The following NFS1 variants were observed in gnomAD, a reference collection of about 807,000 sequenced individuals.
NFS1 encodes NFS1 cysteine desulfurase, also known as cysteine desulfurase.
Under a neutral mutation model 57.3 loss-of-function variants are expected in NFS1, and 26 were observed. The observed-to-expected ratio is 0.45, with a 90% confidence interval of 0.33 to 0.63. NFS1 has a LOEUF of 0.63. NFS1 is among the 20% of genes least tolerant of loss of function. The pLI is 0.02. For missense variants in NFS1, 505 were observed against 605.8 expected (o/e 0.83, Z 1.75); for synonymous variants, 209 against 216.3 (o/e 0.97, Z 0.30).
chr20:35,697,884 C>CTT lies in NFS1; in HGVS notation c.208-86_208-85dup. ...CACCCCTCAGACCTGGCCACCCTGCCTTAAGACACTCTCAACCCCTCAGGC... is the reference window on the plus strand; with the variant it reads ...CACCCCTCAGACCTGGCCACCCTGCCTTTTAAGACACTCTCAACCCCTCAGGC... On this transcript the variant is annotated intron_variant, in intron 2 of 12. Coordinates refer to ENST00000374092, the MANE Select transcript of NFS1 (RefSeq NM_021100.5). 8 of 838,872 alleles carry CTT rather than the reference C, an allele frequency of 9.5e-6. No individual in the cohort carries two copies. In the South Asian group the frequency reaches 1.1e-4, roughly 12 times the overall value. The allele number at this position is 838,872 out of a possible 1,614,324, so 52.0% of individuals were successfully genotyped here. A position where few individuals can be genotyped will look rare whatever the true frequency, so the allele number is the denominator to read the frequency against.
chr20:35,673,817 G>A, intron 10 of NFS1, 133 bp from the exon 11 acceptor site: 1 of 641,420 alleles, frequency 1.6e-6, no homozygotes, highest in Non-Finnish European at 2.7e-6. Flanking sequence ...TTCTAATCTG[G>A]CAGAACTAAA....
Position 35,674,464 on chromosome 20 carries a change from A to C in NFS1, c.1055-33T>G, listed in dbSNP as rs748388082. ...AAAGAAATACTGTGAGAGAGGTCTC[A>C]GAGTCTCAGCCTCTACCAGAATGAG... On this transcript the variant is annotated intron_variant, in intron 9 of 12. Transcript: ENST00000374092. The C allele has an allele frequency of 3.4e-5, 55 of 1,610,896 alleles. No individual in the cohort carries two copies. The Admixed American group carries it at 8.8e-4, about 26-fold the overall frequency.
intron 7 of NFS1, 104 bp from the exon 8 acceptor site, chr20:35,675,306 G>T: frequency 8.0e-7 from 1 of 1,245,744 alleles, no homozygotes; most frequent in Non-Finnish European, 1.1e-6. Context: ...TTTTCTGTAA[G>T]CATGAAATTT....
At chr20:35,698,638 T>C (rs915956945) in intron 1 of NFS1, 48 bp from the exon 2 acceptor site, 8 of 1,539,422 alleles carry the variant, frequency 5.2e-6, no homozygotes, top group Middle Eastern at 1.7e-4. Context: ...AAGGCAACTA[T>C]GAACGCATGG....
chr20:35,674,300 ACT>A (rs1272304716), intron 10 of NFS1, 48 bp downstream of exon 10: 1 of 1,432,760 alleles, frequency 7.0e-7, no homozygotes, highest in Admixed American at 1.7e-5. Context: ...AGCCTGTATG[ACT>A]CTTCTAAGTG....
intron 5 of NFS1, chr20:35,682,551 G>A (rs1350253854): frequency 6.5e-6 from 1 of 152,838 alleles, no homozygotes; most frequent in Non-Finnish European, 1.5e-5. Flanking sequence ...CACTTTGGGA[G>A]GCTGAGGTTG....
Position 35,699,047 on chromosome 20 carries a change from A to C in NFS1, c.97+145T>G. 2.3e-6 allele frequency: 3 copies of C among 1,319,548 alleles called. No homozygotes were observed. The highest frequency in any genetic ancestry group is 2.1e-5 in the South Asian group (1 of 47,208). 81.7% of individuals were successfully genotyped at this position (1,319,548 alleles called of 1,614,324 possible). A position where few individuals can be genotyped will look rare whatever the true frequency, so the allele number is the denominator to read the frequency against. ...GGGTCAACCGTTCGGGGACCCGCCTAAGAAAGTTTGAGGGATGTGTCATTT... is the reference window on the plus strand; with the variant it reads ...GGGTCAACCGTTCGGGGACCCGCCTCAGAAAGTTTGAGGGATGTGTCATTT... On this transcript the variant is annotated intron_variant, in intron 1 of 12. Coordinates refer to ENST00000374092, the MANE Select transcript of NFS1 (RefSeq NM_021100.5). The surrounding 1 kb of genome is among the most constrained non-coding windows in gnomAD (Gnocchi z 4.4).
chr20:35,668,682 C>T lies in NFS1; in HGVS notation c.*940G>A, dbSNP rs1010261901. 1 of 152,212 alleles carries T rather than the reference C, an allele frequency of 6.6e-6. No homozygotes were observed. Among genetic ancestry groups the T allele is most frequent in the Non-Finnish European group, 1.5e-5 (1 of 68,036 alleles). 9.4% of individuals were successfully genotyped at this position (152,212 alleles called of 1,614,324 possible). ...CTCTTACCACTTAATTCTTTCATAG[C>T]ACTTATCACAATCTATAACATTGTT... On this transcript the variant is annotated 3_prime_UTR_variant, in exon 13 of 13. Coordinates refer to ENST00000374092, the MANE Select transcript of NFS1 (RefSeq NM_021100.5).
Position 35,680,838 on chromosome 20 carries a change from T to G in NFS1, c.689A>C (p.His230Pro). The G allele has an allele frequency of 1.9e-6, 3 of 1,574,566 alleles. No homozygotes were observed. Among genetic ancestry groups the G allele is most frequent in the Non-Finnish European group, 2.6e-6 (3 of 1,162,280 alleles). The change falls in exon 7 of 13, where the codon CAT (histidine) becomes CCT (proline). Residue 230 changes from histidine (H) to proline (P), a missense_variant. By Grantham distance (77) the His-to-Pro change is moderately conservative. Transcript: ENST00000374092. The part of the protein sequence containing the change: ...RICSSRKVYF[H>P]TDAAQAVGKI... ...TCCAACAGCCTGGGCTGCATCAGTA[T>G]GGAAATATACCTTTCTGGAACTGCA...
intron 6 of NFS1, among the ~76,000 whole-genome samples, chr20:35,681,374 G>A (rs1601524107): frequency 1.3e-5 from 2 of 152,174 alleles, no homozygotes; most frequent in Admixed American, 1.3e-4. Flanking sequence ...GGTTTTGGCA[G>A]CAACTGCAAT....
chr20:35,697,864 C>G (rs1438498274), intron 2 of NFS1, 64 bp from the exon 3 acceptor site: 7 of 1,124,322 alleles, frequency 6.2e-6, no homozygotes. Context: ...CACTCCACCC[C>G]TCAGACCTGG....
intron 4 of NFS1, among the ~76,000 whole-genome samples, chr20:35,693,108 G>T (rs942268716): frequency 6.6e-6 from 1 of 151,838 alleles, no homozygotes; most frequent in Admixed American, 6.6e-5. Flanking sequence ...TTTTATTTTT[G>T]TTTATTTATT....
At chr20:35,674,744 T>C (rs1330701484) in intron 8 of NFS1, 127 bp from the exon 9 acceptor site, 13 of 760,034 alleles carry the variant, frequency 1.7e-5, no homozygotes, top group East Asian at 1.6e-4. Flanking sequence ...TATGTACTCA[T>C]GGGGACCACT....
intron 4 of NFS1, among the ~76,000 whole-genome samples, chr20:35,694,371 C>T (rs1478129072): frequency 2.6e-5 from 4 of 152,084 alleles, no homozygotes; most frequent in African/African-American, 9.7e-5. Context: ...TCTCGAACTC[C>T]TGATCTCAGA....
intron 11 of NFS1, 54 bp downstream of exon 11, chr20:35,673,547 G>C: frequency 6.8e-7 from 1 of 1,462,696 alleles, no homozygotes; most frequent in South Asian, 1.2e-5. Flanking sequence ...TGTAACAGGA[G>C]ATGAAAAATA....
At chr20:35,693,394 G>A (rs542822127) in intron 4 of NFS1, among the ~76,000 whole-genome samples, 94 of 151,928 alleles carry the variant, frequency 6.2e-4, no homozygotes, top group Non-Finnish European at 8.8e-4. Flanking sequence ...CACTGCACCC[G>A]GCCTACACTT....
intron 5 of NFS1, among the ~76,000 whole-genome samples, chr20:35,684,146 G>A (rs1336682560): frequency 2.0e-5 from 3 of 151,740 alleles, no homozygotes; most frequent in South Asian, 2.1e-4. Context: ...GGTGACTCAC[G>A]CCTGTAATCC....
At chr20:35,672,441 G>A (rs573199004) in intron 12 of NFS1, among the ~76,000 whole-genome samples, 133 of 152,258 alleles carry the variant, frequency 8.7e-4, no homozygotes, top group African/African-American at 3.0e-3. Flanking sequence ...AGTAGAGACG[G>A]GGTTTCTCCA....
Position 35,699,047 on chromosome 20 carries a change from A to T in NFS1, c.97+145T>A. The T allele has an allele frequency of 7.6e-7, 1 of 1,319,548 alleles. No individual in the cohort carries two copies. Among genetic ancestry groups the T allele is most frequent in the Non-Finnish European group, 9.6e-7 (1 of 1,037,016 alleles). The allele number at this position is 1,319,548 out of a possible 1,614,324, so 81.7% of individuals were successfully genotyped here. On this transcript the variant is annotated intron_variant, in intron 1 of 12. Transcript: ENST00000374092. The surrounding 1 kb of genome is among the most constrained non-coding windows in gnomAD (Gnocchi z 4.4). Reference sequence around the variant, plus strand: ...GGGTCAACCGTTCGGGGACCCGCCTAAGAAAGTTTGAGGGATGTGTCATTT... The same window carrying T: ...GGGTCAACCGTTCGGGGACCCGCCTTAGAAAGTTTGAGGGATGTGTCATTT...
Sources: allele counts gnomAD v4.1 joint callset (sites outside exome capture counted in the v4.1 genomes callset), GRCh38; gene constraint gnomAD v4.1.1; non-coding constraint Gnocchi (gnomAD v3.1); transcripts MANE v1.5; gene names NCBI Gene and HGNC (gene_info 2026-07-23, HGNC 2026-07-21).